EHMT1: variants seen among roughly 807,000 people sequenced by gnomAD.
EHMT1 encodes euchromatic histone lysine methyltransferase 1.
In EHMT1, 15 loss-of-function variants were observed where a neutral mutation model predicts 147.2. The ratio of observed to expected loss-of-function variants is 0.10; its 90% CI spans 0.07 to 0.16. EHMT1 has a LOEUF of 0.16. Ranked by LOEUF, EHMT1 falls within the 10% of genes least tolerant of loss-of-function variation. The pLI is 1.00. For synonymous variants in EHMT1, 795 were observed against 709.6 expected, an observed-to-expected ratio of 1.12 and a Z score of -1.91; for missense variants, 1,587 against 1,772.4, an observed-to-expected ratio of 0.90 and a Z score of 1.88.
rs111754780 is a variant in EHMT1 at position 137,739,869 on chromosome 9, A to G, written c.824-3502A>G. ...GGGTCTCTGTGTGGACTTGTCGGGC[A>G]GGGAGGAAGGAGGACGGTGTCTCTG... On this transcript the variant is annotated intron_variant, in intron 4 of 26. Coordinates refer to ENST00000460843, the MANE Select transcript of EHMT1 (RefSeq NM_024757.5). Among the ~76,000 whole-genome samples, 828 of 152,260 alleles carry G rather than the reference A, an allele frequency of 5.4e-3. 7 individuals carry two copies. Among genetic ancestry groups the G allele is most frequent in the African/African-American group, 0.018 (730 of 41,530 alleles).
intron 2 of EHMT1, among the ~76,000 whole-genome samples, chr9:137,714,822 T>G (rs1252753833): frequency 6.6e-6 from 1 of 152,168 alleles, no homozygotes; most frequent in Non-Finnish European, 1.5e-5. Flanking sequence ...GTGCTGGGAT[T>G]ACAGGCATGA....
chr9:137,815,682 C>G (rs1171044803), intron 22 of EHMT1: 1 of 497,458 alleles, frequency 2.0e-6, no homozygotes, highest in African/African-American at 1.9e-5. Flanking sequence ...TGGGAAGGCC[C>G]TGGGTGGACA....
At chr9:137,703,205 C>G (rs1052850660) in intron 1 of EHMT1, among the ~76,000 whole-genome samples, 9 of 152,210 alleles carry the variant, frequency 5.9e-5, no homozygotes, top group Admixed American at 5.9e-4. Flanking sequence ...CCTTCCTAGG[C>G]CTCCAGGCCT....
intron 1 of EHMT1, among the ~76,000 whole-genome samples, chr9:137,701,685 T>C (rs1450076988): frequency 1.4e-4 from 21 of 148,114 alleles, no homozygotes; most frequent in African/African-American, 5.0e-4. Context: ...TGGAGTGCAA[T>C]GGTGTGATCT....
At position 137,834,975 on chromosome 9, in the gene EHMT1, G is replaced by C. The variant is rs1416949651; in HGVS notation, c.*22G>C. On this transcript the variant is annotated 3_prime_UTR_variant, in exon 27 of 27. Coordinates refer to ENST00000460843, the MANE Select transcript of EHMT1 (RefSeq NM_024757.5). ...ATGAGACGCCGCCGGCCAGCGGGGCGCTCGGGAGCCAGGGACCGCCGCGTC... is the reference window on the plus strand; with the variant it reads ...ATGAGACGCCGCCGGCCAGCGGGGCCCTCGGGAGCCAGGGACCGCCGCGTC... 53 of 1,388,672 alleles carry C rather than the reference G, an allele frequency of 3.8e-5. No individual in the cohort carries two copies. Among genetic ancestry groups the C allele is most frequent in the Non-Finnish European group, 4.5e-5 (49 of 1,079,754 alleles). 86.0% of individuals were successfully genotyped at this position (1,388,672 alleles called of 1,614,324 possible). A position where few individuals can be genotyped will look rare whatever the true frequency, so the allele number is the denominator to read the frequency against.
At chr9:137,725,395 T>C (rs1946528488) in intron 3 of EHMT1, among the ~76,000 whole-genome samples, 1 of 152,118 alleles carries the variant, frequency 6.6e-6, no homozygotes, top group Admixed American at 6.5e-5. Flanking sequence ...GTCTGAGCTG[T>C]GCTTTGAAGG....
intron 2 of EHMT1, among the ~76,000 whole-genome samples, chr9:137,715,259 T>A (rs1945103573): frequency 6.6e-6 from 1 of 152,230 alleles, no homozygotes; most frequent in Non-Finnish European, 1.5e-5. Context: ...TATATGCAAT[T>A]AATTTAGCAT....
At chr9:137,730,250 G>A (rs929852369) in intron 4 of EHMT1, among the ~76,000 whole-genome samples, 1 of 152,202 alleles carries the variant, frequency 6.6e-6, no homozygotes, top group African/African-American at 2.4e-5. Context: ...ACCCTAAGGT[G>A]CTGCATGTAC....
chr9:137,799,788 G>A (rs751086338), intron 17 of EHMT1, among the ~76,000 whole-genome samples: 5 of 152,246 alleles, frequency 3.3e-5, no homozygotes, highest in African/African-American at 4.8e-5. Context: ...AAGCAGCAGC[G>A]TCTGTGATAT....
At chr9:137,685,666 A>G (rs1197290741) in intron 1 of EHMT1, among the ~76,000 whole-genome samples, 1 of 152,284 alleles carries the variant, frequency 6.6e-6, no homozygotes, top group East Asian at 1.9e-4. Context: ...TGGTAGCTCC[A>G]TCATTTTGTG....
chr9:137,737,260 C>T (rs1173175170), intron 4 of EHMT1, among the ~76,000 whole-genome samples: 1 of 152,154 alleles, frequency 6.6e-6, no homozygotes, highest in African/African-American at 2.4e-5. Flanking sequence ...TCAAAACTTA[C>T]TACAAAGCTA....
chr9:137,744,154 G>C (rs1269256269), intron 6 of EHMT1, 64 bp downstream of exon 6: 3 of 1,584,162 alleles, frequency 1.9e-6, no homozygotes, highest in African/African-American at 1.3e-5. Flanking sequence ...CCGTGGTTCT[G>C]AAAATTAACA....
At chr9:137,726,086 TCG>T (rs1491588038) in intron 3 of EHMT1, among the ~76,000 whole-genome samples, 2 of 122,540 alleles carry the variant, frequency 1.6e-5, no homozygotes, top group African/African-American at 7.0e-5. Context: ...AGGTGCCTTG[TCG>T]TGTGTGTGTG....
intron 17 of EHMT1, among the ~76,000 whole-genome samples, chr9:137,800,021 A>T (rs989744784): frequency 5.9e-5 from 9 of 152,090 alleles, no homozygotes; most frequent in Non-Finnish European, 1.3e-4. Context: ...TGTAGCTTTA[A>T]TCATGAAGGC....
At chr9:137,692,858 A>G (rs1255645740) in intron 1 of EHMT1, among the ~76,000 whole-genome samples, 1 of 152,124 alleles carries the variant, frequency 6.6e-6, no homozygotes, top group Non-Finnish European at 1.5e-5. Context: ...AGCTGACTTC[A>G]GAGCCGGCTG....
At chr9:137,640,070 G>T (rs1260573518) in intron 1 of EHMT1, among the ~76,000 whole-genome samples, 1 of 152,094 alleles carries the variant, frequency 6.6e-6, no homozygotes, top group Non-Finnish European at 1.5e-5. Flanking sequence ...GAGTAGCTAG[G>T]ATTACAGGCA....
At chr9:137,819,853 C>T (rs1955264190) in intron 25 of EHMT1, among the ~76,000 whole-genome samples, 1 of 151,916 alleles carries the variant, frequency 6.6e-6, no homozygotes, top group Non-Finnish European at 1.5e-5. Flanking sequence ...ACTCCGGGAG[C>T]CTGGTTTTGG....
At chr9:137,690,313 TA>T (rs1209165891) in intron 1 of EHMT1, among the ~76,000 whole-genome samples, 2 of 152,136 alleles carry the variant, frequency 1.3e-5, no homozygotes, top group Non-Finnish European at 1.5e-5. Context: ...CCCATGTCAG[TA>T]CATAGAGATC....
intron 1 of EHMT1, among the ~76,000 whole-genome samples, chr9:137,635,439 A>T (rs958139147): frequency 1.3e-5 from 2 of 148,744 alleles, no homozygotes; most frequent in Non-Finnish European, 1.5e-5. Context: ...CTGGTCTTGA[A>T]CTTCTGACCT....
Sources: gnomAD v4.1 joint callset for allele counts (sites outside exome capture counted in the v4.1 genomes callset) on GRCh38, gnomAD v4.1.1 for gene constraint, MANE v1.5 for transcripts, NCBI Gene and HGNC (gene_info 2026-07-23, HGNC 2026-07-21) for gene names.